Variants in COL19A1 observed in about 807,000 individuals in gnomAD.
COL19A1 encodes collagen type XIX alpha 1 chain.
COL19A1 carries 159 observed loss-of-function variants against 190.2 expected under a neutral mutation model. The ratio of observed to expected loss-of-function variants is 0.84; its 90% confidence interval spans 0.73 to 0.95. COL19A1 has a LOEUF of 0.95. Among genes scored for constraint, COL19A1 ranks in the 40% least tolerant of loss-of-function variants. The probability of loss-of-function intolerance (pLI) is 0.00; values close to 1 mark genes in which losing one functional copy is unlikely to be tolerated. For synonymous variants in COL19A1, 509 were observed against 458.9 expected, an observed-to-expected ratio of 1.11 and a Z score of -1.39; for missense variants, 1,418 against 1,431.9, an observed-to-expected ratio of 0.99 and a Z score of 0.16.
intron 34 of COL19A1, among the ~76,000 whole-genome samples, chr6:70,158,175 G>C (rs960426853): frequency 6.6e-6 from 1 of 152,080 alleles, no homozygotes; most frequent in African/African-American, 2.4e-5. Flanking sequence ...AGGCCTTGTA[G>C]GGGGAATAAG....
chr6:70,181,606 G>A (rs780495116), intron 44 of COL19A1, among the ~76,000 whole-genome samples: 19 of 151,352 alleles, frequency 1.3e-4, no homozygotes, highest in Non-Finnish European at 2.7e-4. Context: ...TGTTCTAGGT[G>A]GTAACAACTC....
chr6:69,961,093 A>G (rs140219103), intron 10 of COL19A1, among the ~76,000 whole-genome samples: 2 of 152,310 alleles, frequency 1.3e-5, no homozygotes, highest in Non-Finnish European at 2.9e-5. Context: ...AGGAGAGAGC[A>G]TTATTGATGT....
intron 27 of COL19A1, among the ~76,000 whole-genome samples, chr6:70,148,592 C>T (rs980240031): frequency 6.6e-6 from 1 of 152,092 alleles, no homozygotes; most frequent in Non-Finnish European, 1.5e-5. Flanking sequence ...TGTAAAAGAA[C>T]ATTGGAGATG....
chr6:69,978,910 T>A (rs1265986700), intron 11 of COL19A1, among the ~76,000 whole-genome samples: 1 of 151,538 alleles, frequency 6.6e-6, no homozygotes. Flanking sequence ...CCACAGATAG[T>A]AGATGGACTT....
intron 15 of COL19A1, among the ~76,000 whole-genome samples, chr6:70,093,407 T>C (rs1231019122): frequency 6.6e-6 from 1 of 152,116 alleles, no homozygotes; most frequent in Non-Finnish European, 1.5e-5. Flanking sequence ...TTGGCAAATA[T>C]TGGCAATGAC....
chr6:69,918,048 A>G (rs951932629), intron 4 of COL19A1, among the ~76,000 whole-genome samples: 4 of 152,144 alleles, frequency 2.6e-5, no homozygotes, highest in Admixed American at 6.6e-5. Context: ...AACAAAACTC[A>G]AGTCATTGTG....
chr6:70,056,645 G>T (rs1403833912), intron 14 of COL19A1, among the ~76,000 whole-genome samples: 2 of 152,050 alleles, frequency 1.3e-5, no homozygotes, highest in Non-Finnish European at 2.9e-5. Context: ...CCATTGTCTT[G>T]TGTGAACTCA....
chr6:70,066,557 C>A (rs544535972), intron 14 of COL19A1, among the ~76,000 whole-genome samples: 159 of 152,048 alleles, frequency 1.0e-3, no homozygotes, highest in African/African-American at 3.6e-3. Flanking sequence ...TGTAACAAAC[C>A]TGCACGTTGT....
chr6:69,868,848 G>C (rs1767642917), intron 1 of COL19A1, among the ~76,000 whole-genome samples: 2 of 152,160 alleles, frequency 1.3e-5, no homozygotes, highest in African/African-American at 4.8e-5. Context: ...TCTCCAGCAG[G>C]CAGAAATGCC....
At chr6:70,192,531 T>C (rs541773453) in intron 48 of COL19A1, among the ~76,000 whole-genome samples, 1 of 152,040 alleles carries the variant, frequency 6.6e-6, no homozygotes, top group South Asian at 2.1e-4. Flanking sequence ...GAATCAAACA[T>C]TGTGGACTAG....
chr6:70,145,002 G>C lies in COL19A1; in HGVS notation c.1765G>C (p.Glu589Gln). ...AGPPGKSLPG[E>Q]PGLDGNPGAP... is the part of the protein sequence containing the mutation. ...TCCTCCAGGGAAAAGCCTGCCAGGG[G>C]AACCAGTAAGTATTAGCCCTTTTGT... Residue 589 changes from glutamate (E) to glutamine (Q), a missense_variant, in exon 25 of 51, where the codon GAA becomes CAA. Physicochemically the swap from Glu to Gln is conservative, Grantham distance 29. Transcript: ENST00000620364. 2.5e-6 allele frequency: 4 copies of C among 1,581,784 alleles called. No homozygotes were observed. The highest frequency in any genetic ancestry group is 3.4e-6 in the Non-Finnish European group (4 of 1,161,972).
chr6:70,024,471 A>G (rs947830825), intron 12 of COL19A1, among the ~76,000 whole-genome samples: 7 of 152,144 alleles, frequency 4.6e-5, no homozygotes, highest in Admixed American at 1.3e-4. Context: ...CTGTGAGACT[A>G]TATCTAGCTC....
At chr6:69,982,758 G>T (rs1043442441) in intron 11 of COL19A1, among the ~76,000 whole-genome samples, 4 of 150,544 alleles carry the variant, frequency 2.7e-5, no homozygotes, top group Admixed American at 2.6e-4. Context: ...AGATCACGAC[G>T]TCAGGAGATC....
intron 15 of COL19A1, among the ~76,000 whole-genome samples, chr6:70,079,857 T>C (rs1381737316): frequency 3.3e-5 from 5 of 152,196 alleles, no homozygotes; most frequent in African/African-American, 1.2e-4. Context: ...TGTTTCTTTT[T>C]TTCTCATAAG....
chr6:69,938,927 G>T (rs1022183749), intron 9 of COL19A1, among the ~76,000 whole-genome samples: 3 of 152,096 alleles, frequency 2.0e-5, no homozygotes, highest in African/African-American at 4.8e-5. Context: ...AGGTAAAATA[G>T]ATTTTAATTC....
chr6:70,094,810 C>T (rs1783144459), intron 15 of COL19A1, among the ~76,000 whole-genome samples: 1 of 152,080 alleles, frequency 6.6e-6, no homozygotes, highest in African/African-American at 2.4e-5. Context: ...AATAGTGACC[C>T]TCTGTGTCCT....
rs951701017 is a variant in COL19A1 at position 70,010,531 on chromosome 6, GGCATTGCCTCACCTGGGAA to G, written c.1027-13093_1027-13075del. On this transcript the variant is annotated intron_variant, in intron 11 of 50. Coordinates refer to ENST00000620364, the MANE Select transcript of COL19A1 (RefSeq NM_001858.6). ...CCGTGCGCGAGCGGAAGCAGGGCGA[GGCATTGCCTCACCTGGGAA>G]GCGCAAGGGGTCAGGGAGTTCCCTT... Among the ~76,000 whole-genome samples the G allele has an allele frequency of 6.3e-5, 9 of 142,144 alleles. 1 individual carries two copies. Among genetic ancestry groups the G allele is most frequent in the Non-Finnish European group, 9.0e-5 (6 of 66,886 alleles). The allele number at this position is 142,144 out of a possible 152,430, so 93.3% of individuals were successfully genotyped here.
chr6:70,078,832 C>T (rs555536191), intron 15 of COL19A1, among the ~76,000 whole-genome samples: 12 of 152,192 alleles, frequency 7.9e-5, no homozygotes, highest in African/African-American at 2.4e-4. Context: ...TTTGGGAGGC[C>T]GAGGCGGGCA....
At chr6:70,176,089 T>A (rs1765786911) in intron 41 of COL19A1, among the ~76,000 whole-genome samples, 1 of 152,178 alleles carries the variant, frequency 6.6e-6, no homozygotes, top group African/African-American at 2.4e-5. Flanking sequence ...GTAGATCATT[T>A]TATTCTAACT....
Sources: gnomAD v4.1 joint callset for allele counts (sites outside exome capture counted in the v4.1 genomes callset) on GRCh38, gnomAD v4.1.1 for gene constraint, MANE v1.5 for transcripts, NCBI Gene and HGNC (gene_info 2026-07-23, HGNC 2026-07-21) for gene names.